The following DNAAF11 variants were observed in gnomAD, a reference collection of about 807,000 sequenced individuals.
DNAAF11 encodes dynein axonemal assembly factor 11, also known as leucine rich repeat containing 6.
A neutral mutation model predicts 60.8 loss-of-function variants in DNAAF11; 45 were observed. The ratio of observed to expected loss-of-function variants is 0.74; its 90% CI spans 0.58 to 0.95. The LOEUF (loss-of-function observed/expected upper bound fraction) is 0.95. Among genes scored for constraint, DNAAF11 ranks in the 40% least tolerant of loss-of-function variants. The probability of loss-of-function intolerance (pLI) is 0.00; values close to 1 mark genes in which losing one functional copy is unlikely to be tolerated. For synonymous variants in DNAAF11, 191 were observed against 183.5 expected (o/e 1.04, Z -0.33); for missense variants, 546 against 546.2 (o/e 1.00, Z 0.00).
Position 132,675,477 on chromosome 8 carries a change from G to A in DNAAF11, c.10+7C>T. 2 of 1,567,032 alleles carry A rather than the reference G, an allele frequency of 1.3e-6. No individual in the cohort carries two copies. The highest frequency in any genetic ancestry group is 1.7e-6 in the Non-Finnish European group (2 of 1,153,682). ...CGATCGAGGACGGAAGGTGGAGGGG[G>A]GCTTACTCCAGCCCATGGCGCCTCT... On this transcript the variant is annotated splice_region_variant and intron_variant, in intron 1 of 11. Coordinates refer to ENST00000620350, the MANE Select transcript of DNAAF11 (RefSeq NM_012472.6).
chr8:132,680,740 C>T, the DNAAF11 span, among the ~76,000 whole-genome samples: 2 of 151,030 alleles, frequency 1.3e-5, no homozygotes, highest in East Asian at 2.0e-4. Flanking sequence ...TCTTTTTTAC[C>T]CTCCCTTCTT....
intron 10 of DNAAF11, among the ~76,000 whole-genome samples, chr8:132,601,062 C>CA (rs1336650608): frequency 1.3e-5 from 2 of 151,514 alleles, no homozygotes; most frequent in East Asian, 2.0e-4. Context: ...ACAAAGAACT[C>CA]AAACAAATTT....
intron 3 of DNAAF11, among the ~76,000 whole-genome samples, chr8:132,647,332 A>G (rs1020800853): frequency 6.6e-5 from 10 of 152,202 alleles, no homozygotes; most frequent in African/African-American, 2.2e-4. Flanking sequence ...GAACAAAGAC[A>G]CAACCTAACA....
At chr8:132,677,461 T>A, upstream of DNAAF11, among the ~76,000 whole-genome samples, 1 of 152,058 alleles carries the variant, frequency 6.6e-6, no homozygotes, top group Non-Finnish European at 1.5e-5. Context: ...GATCTCAGCC[T>A]CTGGATCAGG....
intron 1 of DNAAF11, among the ~76,000 whole-genome samples, chr8:132,673,000 A>G (rs1291000608): frequency 6.6e-6 from 1 of 152,220 alleles, no homozygotes; most frequent in African/African-American, 2.4e-5. Context: ...GGCAGCGGAA[A>G]AAAGGGCACA....
intron 1 of DNAAF11, among the ~76,000 whole-genome samples, chr8:132,670,158 C>T (rs1825044681): frequency 1.3e-5 from 2 of 151,304 alleles, no homozygotes; most frequent in Admixed American, 1.3e-4. Context: ...AAGATTATAA[C>T]AGAAATCAAT....
chr8:132,628,581 C>G (rs1437876336), intron 5 of DNAAF11, among the ~76,000 whole-genome samples: 1 of 152,148 alleles, frequency 6.6e-6, no homozygotes, highest in Non-Finnish European at 1.5e-5. Context: ...ATGTTCATCT[C>G]CCTTTCTTGC....
upstream of DNAAF11, chr8:132,675,673 C>A: frequency 1.9e-6 from 1 of 533,652 alleles, no homozygotes; most frequent in Non-Finnish European, 3.3e-6. Context: ...GCGGAGCAAG[C>A]AGAGGAGACC....
intron 11 of DNAAF11, among the ~76,000 whole-genome samples, chr8:132,581,486 C>T (rs1407383069): frequency 6.6e-6 from 1 of 151,692 alleles, no homozygotes; most frequent in Admixed American, 6.6e-5. Flanking sequence ...CCTGTCTCTA[C>T]TAAAAATACA....
chr8:132,695,144 G>A, the DNAAF11 span, among the ~76,000 whole-genome samples: 1 of 152,086 alleles, frequency 6.6e-6, no homozygotes, highest in South Asian at 2.1e-4. Flanking sequence ...TCCTAATTGG[G>A]GTGGGTTTGA....
At chr8:132,574,142 GA>G (rs1452993920) in intron 11 of DNAAF11, among the ~76,000 whole-genome samples, 4 of 152,212 alleles carry the variant, frequency 2.6e-5, no homozygotes, top group Admixed American at 2.6e-4. Context: ...GCCTTTAAAA[GA>G]ATAGAGTTTT....
chr8:132,613,857 G>A (rs1818895518), intron 8 of DNAAF11, among the ~76,000 whole-genome samples: 1 of 151,908 alleles, frequency 6.6e-6, no homozygotes, highest in African/African-American at 2.4e-5. Context: ...AATAAAATGG[G>A]GCACATCAAA....
the DNAAF11 span, chr8:132,687,693 A>C: frequency 2.2e-6 from 1 of 456,246 alleles, no homozygotes; most frequent in Non-Finnish European, 4.4e-6. Context: ...TTAAGGGATA[A>C]GTGACTTGCC....
chr8:132,702,891 C>T, the DNAAF11 span, among the ~76,000 whole-genome samples: 1 of 152,118 alleles, frequency 6.6e-6, no homozygotes, highest in Non-Finnish European at 1.5e-5. Flanking sequence ...AGAGAGGAAA[C>T]AAGGAAGATT....
At chr8:132,671,636 G>A (rs1250601275) in intron 1 of DNAAF11, among the ~76,000 whole-genome samples, 5 of 152,036 alleles carry the variant, frequency 3.3e-5, no homozygotes, top group South Asian at 4.1e-4. Flanking sequence ...TTATTACAAA[G>A]CTCCAGTAAT....
chr8:132,634,565 C>T (rs899009599), intron 4 of DNAAF11, among the ~76,000 whole-genome samples: 1 of 151,736 alleles, frequency 6.6e-6, no homozygotes, highest in Non-Finnish European at 1.5e-5. Flanking sequence ...TAATTTAATA[C>T]AGGATTGGGA....
intron 5 of DNAAF11, among the ~76,000 whole-genome samples, chr8:132,625,712 C>CT (rs1820200458): frequency 6.6e-6 from 1 of 152,172 alleles, no homozygotes; most frequent in Admixed American, 6.5e-5. Context: ...AGGAATATTG[C>CT]TGTAATCAGA....
At chr8:132,653,496 A>T in intron 3 of DNAAF11, among the ~76,000 whole-genome samples, 1 of 152,262 alleles carries the variant, frequency 6.6e-6, no homozygotes, top group Middle Eastern at 3.4e-3. Context: ...TATAAAAGAC[A>T]ATATAAATTT....
At chr8:132,615,329 G>C (rs1819034695) in intron 7 of DNAAF11, among the ~76,000 whole-genome samples, 1 of 152,138 alleles carries the variant, frequency 6.6e-6, no homozygotes, top group African/African-American at 2.4e-5. Flanking sequence ...AGAATCTTAA[G>C]GTAAATTACA....
Sources: gnomAD v4.1 joint callset for allele counts (sites outside exome capture counted in the v4.1 genomes callset) on GRCh38, gnomAD v4.1.1 for gene constraint, MANE v1.5 for transcripts, NCBI Gene and HGNC (gene_info 2026-07-23, HGNC 2026-07-21) for gene names.